ANKS1B: variants seen among roughly 807,000 people sequenced by gnomAD.
ANKS1B encodes ankyrin repeat and sterile alpha motif domain containing 1B.
In ANKS1B, 36 loss-of-function variants were observed where a neutral mutation model predicts 148.3. The observed-to-expected ratio is 0.24, with a 90% CI of 0.19 to 0.32. The LOEUF (loss-of-function observed/expected upper bound fraction) is 0.32, where lower values mean the gene tolerates loss of function less well. ANKS1B is among the 10% of genes least tolerant of loss of function. The pLI, the probability that ANKS1B is intolerant of heterozygous loss-of-function variation, is 1.00. For synonymous variants in ANKS1B, 542 were observed against 560.8 expected, an observed-to-expected ratio of 0.97 and a Z score of 0.47; for missense variants, 1,157 against 1,542.6, an observed-to-expected ratio of 0.75 and a Z score of 4.19.
In ANKS1B at chr12:99,473,082, C is replaced by G. The variant is rs199751040; in HGVS notation, c.1439-29273G>C. 8.6e-5 allele frequency among the ~76,000 whole-genome samples: 13 copies of G among 152,000 alleles called. No homozygotes were observed. The East Asian group carries it at 1.4e-3, about 16-fold the overall frequency. ...TGTCACAAACCTATTTCCATGTTGC[C>G]TTCATGAGTTAATCACCATCCTGAA... is the stretch of plus-strand genomic sequence containing the variant. On this transcript the variant is annotated intron_variant, in intron 10 of 26. Transcript: ENST00000683438.
chr12:98,908,936 C>T (rs774902578), intron 17 of ANKS1B, among the ~76,000 whole-genome samples: 42 of 152,160 alleles, frequency 2.8e-4, no homozygotes, highest in Admixed American at 1.0e-3. Flanking sequence ...TCAGTAAAGG[C>T]TGTGTAGCTG....
chr12:99,252,486 T>G (rs2074730661), intron 12 of ANKS1B, among the ~76,000 whole-genome samples: 1 of 152,062 alleles, frequency 6.6e-6, no homozygotes, highest in African/African-American at 2.4e-5. Context: ...ACACTACAGG[T>G]GATATCTCCA....
intron 1 of ANKS1B, among the ~76,000 whole-genome samples, chr12:99,831,718 G>GT (rs1555205126): frequency 1.3e-3 from 186 of 143,654 alleles, no homozygotes; most frequent in East Asian, 2.0e-3. Flanking sequence ...ACTGATCAGG[G>GT]TTTTTTTTTT....
intron 17 of ANKS1B, among the ~76,000 whole-genome samples, chr12:98,862,907 A>G (rs1471733405): frequency 1.3e-5 from 2 of 152,220 alleles, no homozygotes; most frequent in Non-Finnish European, 2.9e-5. Flanking sequence ...TTTTGGCCCC[A>G]GCATAAAATG....
chr12:98,968,637 C>T (rs1285946520), intron 17 of ANKS1B, among the ~76,000 whole-genome samples: 3 of 152,254 alleles, frequency 2.0e-5, no homozygotes, highest in South Asian at 2.1e-4. Context: ...ACCTTTCTCT[C>T]TCCTAAAGCT....
chr12:99,289,782 A>T (rs956714536), intron 12 of ANKS1B, among the ~76,000 whole-genome samples: 3 of 151,776 alleles, frequency 2.0e-5, no homozygotes, highest in African/African-American at 7.2e-5. Flanking sequence ...GTACTAGAGA[A>T]AAGTTTCTAG....
chr12:99,013,841 C>G (rs1005737659), intron 17 of ANKS1B, among the ~76,000 whole-genome samples: 3 of 151,934 alleles, frequency 2.0e-5, no homozygotes, highest in Non-Finnish European at 4.4e-5. Context: ...TACAGACTTA[C>G]AAATCACTGC....
chr12:98,885,280 T>A (rs1485576850), intron 17 of ANKS1B, among the ~76,000 whole-genome samples: 1 of 152,100 alleles, frequency 6.6e-6, no homozygotes, highest in Non-Finnish European at 1.5e-5. Flanking sequence ...TTAACAACTA[T>A]AATAAACTTC....
At chr12:98,897,324 A>G (rs1328517532) in intron 17 of ANKS1B, among the ~76,000 whole-genome samples, 1 of 152,168 alleles carries the variant, frequency 6.6e-6, no homozygotes, top group Non-Finnish European at 1.5e-5. Context: ...TTTGCTAGCT[A>G]TGCATCTGAA....
intron 12 of ANKS1B, among the ~76,000 whole-genome samples, chr12:99,361,637 T>C (rs2092470906): frequency 2.0e-5 from 3 of 152,114 alleles, no homozygotes; most frequent in Non-Finnish European, 4.4e-5. Context: ...TATGATATGG[T>C]TAATAAACTA....
intron 17 of ANKS1B, among the ~76,000 whole-genome samples, chr12:98,967,647 A>AAGGGGAGGGGAGGGGAGGGG (rs2099879479): frequency 1.1e-5 from 1 of 95,006 alleles, no homozygotes; most frequent in Non-Finnish European, 1.9e-5. Flanking sequence ...GAGGGGAGGG[A>AAGGGGAGGGGAGGGGAGGGG]AGAGGAGGGG....
At chr12:99,130,554 A>G (rs2065804399) in intron 15 of ANKS1B, among the ~76,000 whole-genome samples, 1 of 152,144 alleles carries the variant, frequency 6.6e-6, no homozygotes, top group Admixed American at 6.5e-5. Flanking sequence ...CTATAGCCAC[A>G]TCAGCTAATA....
chr12:99,042,741 T>C (rs1319892), intron 17 of ANKS1B, among the ~76,000 whole-genome samples: 95,989 of 152,092 alleles, frequency 0.63, 30,578 homozygotes, highest in East Asian at 0.8. Context: ...CAACAATATC[T>C]AGCAGACAGA....
chr12:98,750,255 T>C (rs1003669012), intron 26 of ANKS1B, among the ~76,000 whole-genome samples: 1 of 151,970 alleles, frequency 6.6e-6, no homozygotes, highest in Non-Finnish European at 1.5e-5. Context: ...TCAGAGGAGA[T>C]ACAGCTCCTG....
chr12:99,235,205 G>A (rs2087670670), intron 14 of ANKS1B, among the ~76,000 whole-genome samples: 1 of 152,084 alleles, frequency 6.6e-6, no homozygotes, highest in Non-Finnish European at 1.5e-5. Context: ...TGTCCAAGTG[G>A]CACTTTTAAC....
chr12:99,493,643 G>A (rs140475215), intron 10 of ANKS1B, among the ~76,000 whole-genome samples: 1 of 152,222 alleles, frequency 6.6e-6, no homozygotes, highest in Non-Finnish European at 1.5e-5. Context: ...TTGATAGGGA[G>A]GTTGCAATAA....
chr12:99,455,228 C>A (rs2095826542), intron 10 of ANKS1B, among the ~76,000 whole-genome samples: 1 of 152,082 alleles, frequency 6.6e-6, no homozygotes, highest in Admixed American at 6.5e-5. Flanking sequence ...GCCCACCAGG[C>A]CAGAACCCCT....
chr12:99,503,051 C>T (rs2096671034), intron 10 of ANKS1B, among the ~76,000 whole-genome samples: 1 of 152,222 alleles, frequency 6.6e-6, no homozygotes, highest in African/African-American at 2.4e-5. Flanking sequence ...ATCCTCCCAC[C>T]TCAGCCTCCT....
chr12:99,108,078 A>T (rs2059596516), intron 15 of ANKS1B, among the ~76,000 whole-genome samples: 1 of 152,228 alleles, frequency 6.6e-6, no homozygotes, highest in Non-Finnish European at 1.5e-5. Flanking sequence ...GGCTCAAATG[A>T]CCTTATCCTG....
Sources: allele counts gnomAD v4.1 joint callset (sites outside exome capture counted in the v4.1 genomes callset), GRCh38; gene constraint gnomAD v4.1.1; transcripts MANE v1.5; gene names NCBI Gene and HGNC (gene_info 2026-07-23, HGNC 2026-07-21).